KIDINS220: variants seen among roughly 807,000 people sequenced by gnomAD.
KIDINS220 encodes the protein kinase D-interacting substrate of 220 kDa.
KIDINS220 carries 63 observed loss-of-function variants against 157.6 expected under a neutral mutation model. The ratio of observed to expected loss-of-function variants is 0.40; its 90% CI spans 0.33 to 0.49. The LOEUF (loss-of-function observed/expected upper bound fraction) is 0.49. KIDINS220 is among the 20% of genes least tolerant of loss of function. The probability of loss-of-function intolerance (pLI) is 0.66; values close to 1 mark genes in which losing one functional copy is unlikely to be tolerated. For synonymous variants in KIDINS220, 732 were observed against 783.6 expected (o/e 0.93, Z 1.10); for missense variants, 1,772 against 2,171.2 (o/e 0.82, Z 3.65).
chr2:8,756,224 C>T (rs1426763352), intron 22 of KIDINS220, among the ~76,000 whole-genome samples: 2 of 152,116 alleles, frequency 1.3e-5, no homozygotes, highest in Non-Finnish European at 2.9e-5. Flanking sequence ...ATATTTTATT[C>T]TTTTAGATGC....
chr2:8,734,132 G>A (rs769368237), intron 28 of KIDINS220, among the ~76,000 whole-genome samples: 13 of 151,818 alleles, frequency 8.6e-5, no homozygotes, highest in Non-Finnish European at 1.9e-4. Flanking sequence ...GGTGGGGGTC[G>A]TGGATGGAAC....
At chr2:8,786,617 G>A (rs930899268) in intron 15 of KIDINS220, among the ~76,000 whole-genome samples, 3 of 152,070 alleles carry the variant, frequency 2.0e-5, no homozygotes, top group African/African-American at 4.8e-5. Flanking sequence ...AAGGACAGGC[G>A]GGGGAAAGTT....
intron 21 of KIDINS220, among the ~76,000 whole-genome samples, chr2:8,776,094 G>A (rs546996135): frequency 4.6e-5 from 7 of 152,122 alleles, no homozygotes; most frequent in African/African-American, 1.7e-4. Context: ...CAAAAATATT[G>A]TAAGTATATT....
At chr2:8,804,258 T>C (rs989220650) in intron 7 of KIDINS220, among the ~76,000 whole-genome samples, 1 of 152,120 alleles carries the variant, frequency 6.6e-6, no homozygotes, top group Non-Finnish European at 1.5e-5. Context: ...ACATAAAGAG[T>C]TTACTCTTGT....
chr2:8,833,768 G>A (rs970785596), intron 1 of KIDINS220, among the ~76,000 whole-genome samples: 4 of 152,116 alleles, frequency 2.6e-5, no homozygotes, highest in South Asian at 2.1e-4. Context: ...CTTGCCACCC[G>A]TTTTGAAAAT....
At chr2:8,781,678 G>T (rs1258325205) in intron 17 of KIDINS220, among the ~76,000 whole-genome samples, 1 of 151,900 alleles carries the variant, frequency 6.6e-6, no homozygotes, top group East Asian at 1.9e-4. Flanking sequence ...ATGGGTCAAA[G>T]AAAAAAGTCT....
chr2:8,744,378 A>T (rs1666108409), intron 26 of KIDINS220, among the ~76,000 whole-genome samples: 6 of 25,926 alleles, frequency 2.3e-4, no homozygotes, highest in African/African-American at 3.5e-4. Flanking sequence ...AAAAAAAAAA[A>T]AAAAAAAAAA....
At chr2:8,789,389 G>A (rs1488710977) in intron 14 of KIDINS220, among the ~76,000 whole-genome samples, 2 of 138,396 alleles carry the variant, frequency 1.4e-5, no homozygotes. Context: ...CCAGGTTCAC[G>A]CCATTCTCCT....
intron 2 of KIDINS220, among the ~76,000 whole-genome samples, chr2:8,825,022 G>C (rs1678538998): frequency 6.6e-6 from 1 of 152,170 alleles, no homozygotes; most frequent in Non-Finnish European, 1.5e-5. Flanking sequence ...GGTTTAGGGA[G>C]AGGGGGAAAG....
intron 21 of KIDINS220, among the ~76,000 whole-genome samples, chr2:8,772,043 G>A (rs1442949890): frequency 6.6e-6 from 1 of 152,158 alleles, no homozygotes; most frequent in African/African-American, 2.4e-5. Context: ...AGTTAGTCTG[G>A]TGGGAAGGCA....
chr2:8,806,438 G>A, intron 6 of KIDINS220, 69 bp from the exon 7 acceptor site: 2 of 905,416 alleles, frequency 2.2e-6, no homozygotes, highest in South Asian at 1.8e-5. Context: ...CTCTTAACAT[G>A]AATTTTAATA....
At chr2:8,758,558 T>C (rs1224805378) in intron 22 of KIDINS220, among the ~76,000 whole-genome samples, 3 of 152,226 alleles carry the variant, frequency 2.0e-5, no homozygotes, top group South Asian at 2.1e-4. Flanking sequence ...CTCTGTTTTA[T>C]GTCTCTCCAC....
intron 2 of KIDINS220, among the ~76,000 whole-genome samples, chr2:8,825,124 T>C (rs2118470): frequency 0.97 from 148,265 of 152,238 alleles, 72,321 homozygotes; most frequent in East Asian, 1. Context: ...GCAATCACAG[T>C]ACTTTAGGAG....
chr2:8,821,474 C>A (rs1401012525), intron 2 of KIDINS220, among the ~76,000 whole-genome samples: 4 of 152,140 alleles, frequency 2.6e-5, no homozygotes, highest in African/African-American at 9.7e-5. Context: ...CTTCTTCTTG[C>A]CCAATACTGA....
chr2:8,771,159 G>T (rs764485326), intron 21 of KIDINS220, among the ~76,000 whole-genome samples: 21 of 152,116 alleles, frequency 1.4e-4, no homozygotes, highest in Non-Finnish European at 2.5e-4. Flanking sequence ...CACGATCATT[G>T]AGCAGAACAT....
rs149104410 is a variant in KIDINS220, at chr2:8,827,942, T to G, written c.-36-813A>C. On this transcript the variant is annotated intron_variant, in intron 1 of 29. Coordinates refer to ENST00000256707, the MANE Select transcript of KIDINS220 (RefSeq NM_020738.4). Reference sequence around the variant, plus strand: ...AGCAGGTCTGAGTGGGGCCCCTGACTCTGCATCTTTATCCAGCTCCCTGTG... The same window carrying G: ...AGCAGGTCTGAGTGGGGCCCCTGACGCTGCATCTTTATCCAGCTCCCTGTG... 8.2e-3 allele frequency among the ~76,000 whole-genome samples: 1,256 copies of G among 152,288 alleles called. 34 individuals carry two copies. The highest frequency in any genetic ancestry group is 5.1e-3 in the Non-Finnish European group (349 of 68,028).
At chr2:8,806,428 C>T (rs2148345821) in intron 6 of KIDINS220, 59 bp from the exon 7 acceptor site, 1 of 1,015,296 alleles carries the variant, frequency 9.8e-7, no homozygotes, top group East Asian at 2.7e-5. Flanking sequence ...AAGAAACTAG[C>T]TCTTAACATG....
At chr2:8,822,084 C>A (rs191760273) in intron 2 of KIDINS220, among the ~76,000 whole-genome samples, 2 of 152,286 alleles carry the variant, frequency 1.3e-5, no homozygotes, top group African/African-American at 2.4e-5. Flanking sequence ...CAGAACACTA[C>A]GCACCTACTG....
intron 17 of KIDINS220, among the ~76,000 whole-genome samples, chr2:8,780,543 GT>G (rs1572628205): frequency 6.7e-6 from 1 of 150,244 alleles, no homozygotes; most frequent in South Asian, 2.1e-4. Context: ...TGTGTGTGTG[GT>G]GGGGGGTGTG....
Sources: gnomAD v4.1 joint callset for allele counts (sites outside exome capture counted in the v4.1 genomes callset) on GRCh38, gnomAD v4.1.1 for gene constraint, MANE v1.5 for transcripts, NCBI Gene and HGNC (gene_info 2026-07-23, HGNC 2026-07-21) for gene names.